Variants in PCDHGA6 observed in about 807,000 individuals in gnomAD.
The protein encoded by PCDHGA6 is protocadherin gamma-A6.
Under a neutral mutation model 60.6 loss-of-function variants are expected in PCDHGA6, and 41 were observed. That is an observed-to-expected ratio of 0.68 (90% CI 0.53 to 0.88). The LOEUF (loss-of-function observed/expected upper bound fraction) is 0.88, where lower values mean the gene tolerates loss of function less well. Among genes scored for constraint, PCDHGA6 ranks in the 40% least tolerant of loss-of-function variants. The pLI, the probability that PCDHGA6 is intolerant of heterozygous loss-of-function variation, is 0.00. For synonymous variants in PCDHGA6, 594 were observed against 524.4 expected (o/e 1.13, Z -1.81); for missense variants, 1,312 against 1,203.0 (o/e 1.09, Z -1.34).
intron 1 of PCDHGA6, chr5:141,424,126 G>C: frequency 9.3e-6 from 5 of 538,222 alleles, no homozygotes; most frequent in Non-Finnish European, 1.2e-5. Flanking sequence ...TGATCCTGTT[G>C]ATTTAATAGC....
At chr5:141,399,532 C>G (rs552966531) in intron 1 of PCDHGA6, 28 of 1,614,066 alleles carry the variant, frequency 1.7e-5, no homozygotes, top group Non-Finnish European at 2.2e-5. Flanking sequence ...CTCCATCGCG[C>G]AAGTCTGCGC....
At position 141,414,787 on chromosome 5, in the gene PCDHGA6, G is replaced by C. The variant is rs372484037; in HGVS notation, c.2424+38280G>C. ...TCATGAGCTACAGATGCAGGTGACA[G>C]CCAGCGACAGCGGGGATCCTCCACT... On this transcript the variant is annotated intron_variant, in intron 1 of 3. Coordinates refer to ENST00000517434, the MANE Select transcript of PCDHGA6 (RefSeq NM_018919.3). 12 of 1,614,230 alleles carry C rather than the reference G, an allele frequency of 7.4e-6. No homozygotes were observed. The highest frequency in any genetic ancestry group is 2.2e-5 in the East Asian group (1 of 44,874).
At chr5:141,409,995 C>A (rs777416137) in intron 1 of PCDHGA6, 2 of 1,613,308 alleles carry the variant, frequency 1.2e-6, no homozygotes, top group Admixed American at 3.3e-5. Flanking sequence ...GACGCCGACT[C>A]GGGACACAAC....
At chr5:141,428,020 C>A (rs1443722620) in intron 1 of PCDHGA6, 1 of 1,605,408 alleles carries the variant, frequency 6.2e-7, no homozygotes, top group Admixed American at 1.7e-5. Context: ...GTGCCACGCG[C>A]CGCAGAGTCC....
In PCDHGA6 at chr5:141,432,695, G is replaced by A. The variant is rs1275179569; in HGVS notation, c.2424+56188G>A. ...GCTCAAGCAGAGCCTCGTAGTGGCC[G>A]TCCAGGACCACGGCCAGCCCCCTCT... On this transcript the variant is annotated intron_variant, in intron 1 of 3. Coordinates refer to ENST00000517434, the MANE Select transcript of PCDHGA6 (RefSeq NM_018919.3). This position sits in a 1 kb window ranked among gnomAD's most constrained non-coding sequence, Gnocchi z 6.0. The A allele has an allele frequency of 3.1e-6, 5 of 1,613,822 alleles. No homozygotes were observed. The highest frequency in any genetic ancestry group is 1.7e-5 in the Admixed American group (1 of 60,002).
intron 1 of PCDHGA6, chr5:141,400,097 A>G: frequency 6.2e-7 from 1 of 1,614,048 alleles, no homozygotes; most frequent in Non-Finnish European, 8.5e-7. Flanking sequence ...GCCACGCTGC[A>G]CTTGGTCTTT....
chr5:141,389,346 T>G (rs779015878), intron 1 of PCDHGA6: 1 of 1,613,984 alleles, frequency 6.2e-7, no homozygotes. Flanking sequence ...AGTCTCTTAC[T>G]GCATCATGGC....
At chr5:141,465,032 A>C (rs2154568703) in intron 1 of PCDHGA6, among the ~76,000 whole-genome samples, 1 of 151,870 alleles carries the variant, frequency 6.6e-6, no homozygotes, top group Admixed American at 6.6e-5. Context: ...ATGAACCACC[A>C]CAAATGACCC....
chr5:141,392,498 A>AT (rs201401101), intron 1 of PCDHGA6: 334 of 217,284 alleles, frequency 1.5e-3, no homozygotes, highest in East Asian at 0.014. Flanking sequence ...TAAGCAAATG[A>AT]TTTTTTTTTC....
rs1333788917 is a variant in PCDHGA6, at chr5:141,376,351, G to C, written c.2268G>C (p.Glu756Asp). 1.9e-5 allele frequency: 31 copies of C among 1,614,060 alleles called. No individual in the cohort carries two copies. The highest frequency in any genetic ancestry group is 2.6e-5 in the Non-Finnish European group (31 of 1,180,040). Residue 756 changes from glutamate to aspartate, a missense_variant, in exon 1 of 4, where the codon GAG (glutamate) becomes GAC (aspartate). Coordinates refer to ENST00000517434, the MANE Select transcript of PCDHGA6 (RefSeq NM_018919.3). ...CTTTCCTGCAGACCTATTCCCACGA[G>C]GTCTCACTCACTGCAGACTCGCGTA... ...VRAFLQTYSH[E>D]VSLTADSRKS...
intron 1 of PCDHGA6, among the ~76,000 whole-genome samples, chr5:141,400,891 A>G (rs1266926061): frequency 6.6e-6 from 1 of 152,222 alleles, no homozygotes; most frequent in African/African-American, 2.4e-5. Context: ...GTATGTAATC[A>G]TTTAATTCAT....
chr5:141,505,590 A>G, intron 3 of PCDHGA6, 109 bp downstream of exon 3: 1 of 1,571,996 alleles, frequency 6.4e-7, no homozygotes, highest in East Asian at 2.3e-5. Context: ...TAGTTTCTCC[A>G]GATCTTTCGG....
At chr5:141,505,777 TCTG>T (rs77860300) in intron 3 of PCDHGA6, among the ~76,000 whole-genome samples, 6,508 of 152,280 alleles carry the variant, frequency 0.043, 161 homozygotes, top group Middle Eastern at 0.13. Context: ...AGGTCCTAGC[TCTG>T]CTACTATCCT....
intron 1 of PCDHGA6, chr5:141,427,795 C>A: frequency 6.7e-7 from 1 of 1,499,260 alleles, no homozygotes; most frequent in Non-Finnish European, 9.2e-7. Context: ...TCCTACGTGT[C>A]CGTGAGCGCA....
At chr5:141,421,435 A>G (rs775839500) in intron 1 of PCDHGA6, 3 of 1,614,108 alleles carry the variant, frequency 1.9e-6, no homozygotes, top group East Asian at 4.5e-5. Context: ...CATCGTCTCC[A>G]GAGGGAAGAC....
rs570809952 is a variant in PCDHGA6 at position 141,463,609 on chromosome 5, C to T, written c.2425-31198C>T. 4.6e-5 allele frequency among the ~76,000 whole-genome samples: 7 copies of T among 151,964 alleles called. No homozygotes were observed. In the East Asian group the frequency reaches 9.7e-4, roughly 21 times the overall value. The stretch of plus-strand genomic sequence containing the variant: ...GACTACAGGTGCCTGCCACCATGCC[C>T]GGCTAATTTTTTGTATTTTGTTTAG... On this transcript the variant is annotated intron_variant, in intron 1 of 3. Coordinates refer to ENST00000517434, the MANE Select transcript of PCDHGA6 (RefSeq NM_018919.3).
intron 1 of PCDHGA6, among the ~76,000 whole-genome samples, chr5:141,481,171 C>G (rs927813327): frequency 6.6e-6 from 1 of 152,120 alleles, no homozygotes; most frequent in African/African-American, 2.4e-5. Flanking sequence ...AACCAGAATC[C>G]AGCTTTATTG....
At chr5:141,435,067 T>C (rs1381741674) in intron 1 of PCDHGA6, among the ~76,000 whole-genome samples, 1 of 152,168 alleles carries the variant, frequency 6.6e-6, no homozygotes, top group African/African-American at 2.4e-5. Flanking sequence ...CAGTTTTGTG[T>C]AGACCGTCTG....
rs761468303 is a variant in PCDHGA6 at position 141,421,659 on chromosome 5, T to C, written c.2424+45152T>C. 4 of 1,613,700 alleles carry C rather than the reference T, an allele frequency of 2.5e-6. No individual in the cohort carries two copies. The Admixed American group carries it at 6.7e-5, about 27-fold the overall frequency. On this transcript the variant is annotated intron_variant, in intron 1 of 3. Transcript: ENST00000517434. ...AGGACGAAGTGGAGATAAAAGTCAG[T>C]GAGCACGCAATTCCTGGGGCGCGAT...
Sources: gnomAD v4.1 joint callset for allele counts (sites outside exome capture counted in the v4.1 genomes callset) on GRCh38, gnomAD v4.1.1 for gene constraint, Gnocchi (gnomAD v3.1) non-coding constraint, MANE v1.5 for transcripts, NCBI Gene and HGNC (gene_info 2026-07-23, HGNC 2026-07-21) for gene names.